Variants in MACROD1 observed in about 807,000 individuals in gnomAD.
MACROD1 encodes the protein ADP-ribose glycohydrolase MACROD1.
MACROD1 carries 31 observed loss-of-function variants against 41.4 expected under a neutral mutation model. The ratio of observed to expected loss-of-function variants is 0.75; its 90% CI spans 0.56 to 1.01. The LOEUF (loss-of-function observed/expected upper bound fraction) is 1.01, where lower values mean the gene tolerates loss of function less well. Ranked by LOEUF, MACROD1 falls within the 50% of genes least tolerant of loss-of-function variation. The pLI, the probability that MACROD1 is intolerant of heterozygous loss-of-function variation, is 0.00. For synonymous variants in MACROD1, 252 were observed against 203.4 expected (o/e 1.24, Z -2.03); for missense variants, 473 against 460.0 (o/e 1.03, Z -0.26).
intron 3 of MACROD1, among the ~76,000 whole-genome samples, chr11:64,050,910 C>T (rs111841856): frequency 0.015 from 2,299 of 152,334 alleles, 52 homozygotes; most frequent in African/African-American, 0.052. Flanking sequence ...TGAGCCACCG[C>T]GCCCGGCCAC....
rs1303426212 is a variant in MACROD1, at chr11:64,064,537, A to G, written c.518-49256T>C. On this transcript the variant is annotated intron_variant, in intron 3 of 10. Coordinates refer to ENST00000255681, the MANE Select transcript of MACROD1 (RefSeq NM_014067.4). The surrounding 1 kb of genome is among the most constrained non-coding windows in gnomAD (Gnocchi z 4.5). ...GTGCATATGTACGTATGTGCCTGGCATGGTCCTTGCCTGAGTCCTGCCTGC... is the reference window on the plus strand; with the variant it reads ...GTGCATATGTACGTATGTGCCTGGCGTGGTCCTTGCCTGAGTCCTGCCTGC... 1.3e-5 allele frequency among the ~76,000 whole-genome samples: 2 copies of G among 152,094 alleles called. No individual in the cohort carries two copies. The highest frequency in any genetic ancestry group is 4.8e-5 in the African/African-American group (2 of 41,444).
At chr11:64,001,960 T>C (rs1262622385) in intron 4 of MACROD1, 2 of 598,630 alleles carry the variant, frequency 3.3e-6, no homozygotes, top group East Asian at 2.8e-5. Context: ...AATGGGATAA[T>C]AGCACCCACC....
intron 4 of MACROD1, among the ~76,000 whole-genome samples, chr11:64,004,648 C>T (rs899423468): frequency 2.6e-5 from 4 of 152,130 alleles, no homozygotes; most frequent in South Asian, 2.1e-4. Flanking sequence ...GGCTGGCCCA[C>T]GCTGTGCCCT....
chr11:64,009,168 G>C (rs536763248), intron 4 of MACROD1: 1 of 152,090 alleles, frequency 6.6e-6, no homozygotes, highest in Non-Finnish European at 1.5e-5. Flanking sequence ...AGACACGGGC[G>C]TCAGGGCTCT....
intron 3 of MACROD1, among the ~76,000 whole-genome samples, chr11:64,021,147 A>G (rs1943147423): frequency 6.6e-6 from 1 of 152,182 alleles, no homozygotes; most frequent in South Asian, 2.1e-4. Context: ...GCCCGTGGAC[A>G]TTACAGATGG....
intron 8 of MACROD1, 53 bp downstream of exon 8, chr11:63,999,278 T>A: frequency 6.5e-7 from 1 of 1,529,026 alleles, no homozygotes; most frequent in South Asian, 1.2e-5. Flanking sequence ...TGATGGGGGC[T>A]GGTCACTCTG....
At position 64,114,459 on chromosome 11, in the gene MACROD1, GGATA is replaced by G. The variant is rs900830739; in HGVS notation, c.517+36776_517+36779del. 4.7e-5 allele frequency among the ~76,000 whole-genome samples: 7 copies of G among 149,798 alleles called. 1 individual carries two copies. The highest frequency in any genetic ancestry group is 6.5e-3 in the Middle Eastern group (2 of 306). Reference sequence around the variant, plus strand: ...TGGATGGATGGATGGATGAATGGATGGATAGATGGATGGATGGAGGGATGGTTGA... The same window carrying G: ...TGGATGGATGGATGGATGAATGGATGGATGGATGGATGGAGGGATGGTTGA... On this transcript the variant is annotated intron_variant, in intron 3 of 10. Transcript: ENST00000255681.
At chr11:64,004,096 C>A (rs1352801971) in intron 4 of MACROD1, among the ~76,000 whole-genome samples, 2 of 152,242 alleles carry the variant, frequency 1.3e-5, no homozygotes, top group Non-Finnish European at 2.9e-5. Context: ...CGGCCCTTGA[C>A]CCTCCGCCCC....
intron 3 of MACROD1, among the ~76,000 whole-genome samples, chr11:64,085,332 C>T (rs547511162): frequency 3.3e-5 from 5 of 152,282 alleles, no homozygotes; most frequent in Admixed American, 1.3e-4. Context: ...CAAGCCTCAG[C>T]GCCCGCTGCT....
chr11:64,087,392 C>T (rs1190916737), intron 3 of MACROD1, among the ~76,000 whole-genome samples: 2 of 152,190 alleles, frequency 1.3e-5, no homozygotes, highest in African/African-American at 2.4e-5. Context: ...GACCACAGGC[C>T]GGTTGTCCCC....
At chr11:64,154,137 T>C (rs1022964319) in intron 1 of MACROD1, among the ~76,000 whole-genome samples, 21 of 152,062 alleles carry the variant, frequency 1.4e-4, no homozygotes, top group African/African-American at 5.1e-4. Context: ...TTGCACAGAT[T>C]CAAAACGCTC....
At chr11:64,126,549 C>T (rs914150149) in intron 3 of MACROD1, among the ~76,000 whole-genome samples, 2 of 152,096 alleles carry the variant, frequency 1.3e-5, no homozygotes, top group Non-Finnish European at 2.9e-5. Flanking sequence ...ATTCCCTTTC[C>T]GGATGTTAAC....
chr11:64,022,594 C>T (rs1210044248), intron 3 of MACROD1, among the ~76,000 whole-genome samples: 2 of 152,186 alleles, frequency 1.3e-5, no homozygotes, highest in East Asian at 1.9e-4. Flanking sequence ...AGAAACACCC[C>T]GCAGATGGAA....
chr11:64,155,905 T>A (rs2701530), intron 1 of MACROD1, among the ~76,000 whole-genome samples: 9,801 of 151,860 alleles, frequency 0.065, 391 homozygotes, highest in Middle Eastern at 0.15. Context: ...CATCAGGAGT[T>A]TGAGATCAGC....
At chr11:64,046,475 G>A (rs1244558788) in intron 3 of MACROD1, among the ~76,000 whole-genome samples, 3 of 152,200 alleles carry the variant, frequency 2.0e-5, no homozygotes, top group Admixed American at 1.3e-4. Flanking sequence ...CTGGACCCCA[G>A]ACAGTGCTGG....
intron 3 of MACROD1, among the ~76,000 whole-genome samples, chr11:64,136,831 C>T (rs1945339548): frequency 6.6e-6 from 1 of 152,212 alleles, no homozygotes; most frequent in Non-Finnish European, 1.5e-5. Flanking sequence ...GATCTTCCAA[C>T]CAGGGAGCCC....
At chr11:64,015,945 G>A (rs897067116) in intron 3 of MACROD1, among the ~76,000 whole-genome samples, 4 of 152,190 alleles carry the variant, frequency 2.6e-5, no homozygotes, top group Admixed American at 1.3e-4. Flanking sequence ...ATGTGGCTTC[G>A]TGCCTCATTT....
chr11:64,142,361 C>T (rs1945425399), intron 3 of MACROD1, among the ~76,000 whole-genome samples: 1 of 152,186 alleles, frequency 6.6e-6, no homozygotes, highest in African/African-American at 2.4e-5. Flanking sequence ...GAAACCCTAC[C>T]TCTACAAAAA....
At chr11:64,066,621 A>T (rs1277049872) in intron 3 of MACROD1, among the ~76,000 whole-genome samples, 2 of 151,700 alleles carry the variant, frequency 1.3e-5, no homozygotes, top group Non-Finnish European at 2.9e-5. Context: ...TGGGCAACAA[A>T]TCAAGACCAT....
Sources: allele counts gnomAD v4.1 joint callset (sites outside exome capture counted in the v4.1 genomes callset), GRCh38; gene constraint gnomAD v4.1.1; non-coding constraint Gnocchi (gnomAD v3.1); transcripts MANE v1.5; gene names NCBI Gene and HGNC (gene_info 2026-07-23, HGNC 2026-07-21).